WDR37: variants seen among roughly 807,000 people sequenced by gnomAD.
WDR37 encodes WD repeat domain 37.
In WDR37, 19 loss-of-function variants were observed where a neutral mutation model predicts 62.9. The ratio of observed to expected loss-of-function variants is 0.30; its 90% CI spans 0.21 to 0.44. The LOEUF is 0.44. Among genes scored for constraint, WDR37 ranks in the 20% least tolerant of loss-of-function variants. The pLI, the probability that WDR37 is intolerant of heterozygous loss-of-function variation, is 1.00. For missense variants in WDR37, 474 were observed against 657.6 expected, an observed-to-expected ratio of 0.72 and a Z score of 3.05; for synonymous variants, 250 against 260.9, an observed-to-expected ratio of 0.96 and a Z score of 0.40.
intron 11 of WDR37, among the ~76,000 whole-genome samples, chr10:1,109,606 G>C (rs1213894027): frequency 1.3e-5 from 2 of 152,232 alleles, no homozygotes; most frequent in Non-Finnish European, 2.9e-5. Flanking sequence ...AGCTACTTGG[G>C]AGGCTGAGGC....
intron 4 of WDR37, 143 bp from the exon 5 acceptor site, chr10:1,080,269 G>C: frequency 1.6e-6 from 2 of 1,261,932 alleles, no homozygotes; most frequent in Non-Finnish European, 2.2e-6. Flanking sequence ...TCTTGTTCCT[G>C]TTCTGCCATG....
In WDR37 at chr10:1,121,595, G is replaced by A. The variant is rs928869747; in HGVS notation, c.1104-2623G>A. On this transcript the variant is annotated intron_variant, in intron 11 of 13. Transcript: ENST00000263150. The surrounding 1 kb of genome is among the most constrained non-coding windows in gnomAD (Gnocchi z 4.5). Reference sequence around the variant, plus strand: ...TGGGCGTTTGCTTGTGTCCTGCCCCGTGTGATGCCGTGGTTTCCAGTTGGG... The same window carrying A: ...TGGGCGTTTGCTTGTGTCCTGCCCCATGTGATGCCGTGGTTTCCAGTTGGG... 5.3e-5 allele frequency among the ~76,000 whole-genome samples: 8 copies of A among 152,166 alleles called. No homozygotes were observed. Among genetic ancestry groups the A allele is most frequent in the African/African-American group, 1.4e-4 (6 of 41,432 alleles).
chr10:1,075,342 T>TA (rs1240903282), intron 2 of WDR37, among the ~76,000 whole-genome samples: 1 of 151,674 alleles, frequency 6.6e-6, no homozygotes, highest in African/African-American at 2.4e-5. Flanking sequence ...GCAGGTTTGT[T>TA]ACGTAGGTAT....
intron 1 of WDR37, among the ~76,000 whole-genome samples, chr10:1,066,328 G>T (rs950274412): frequency 9.2e-5 from 14 of 152,192 alleles, no homozygotes; most frequent in Non-Finnish European, 1.3e-4. Flanking sequence ...GTGTTAGCTA[G>T]GATGGTCTCG....
chr10:1,071,224 C>T (rs978195668), intron 1 of WDR37, among the ~76,000 whole-genome samples: 7 of 152,094 alleles, frequency 4.6e-5, no homozygotes, highest in Non-Finnish European at 7.4e-5. Context: ...AGGTCGTGGG[C>T]GTGTCCTGCT....
chr10:1,090,189 T>C (rs1834340814), intron 7 of WDR37, among the ~76,000 whole-genome samples: 1 of 152,024 alleles, frequency 6.6e-6, no homozygotes, highest in South Asian at 2.1e-4. Flanking sequence ...AGATGGAGTT[T>C]TGCTGTGTCA....
chr10:1,099,341 C>T (rs72760947), intron 9 of WDR37, among the ~76,000 whole-genome samples: 274 of 152,334 alleles, frequency 1.8e-3, no homozygotes, highest in Non-Finnish European at 2.8e-3. Context: ...GTGTAAATGA[C>T]GTCCACGTCT....
At chr10:1,090,306 A>T (rs991532041) in intron 7 of WDR37, among the ~76,000 whole-genome samples, 3 of 152,096 alleles carry the variant, frequency 2.0e-5, no homozygotes, top group Admixed American at 2.0e-4. Flanking sequence ...GTACAGGCAC[A>T]TGCCACCACG....
chr10:1,090,228 G>T (rs943159532), intron 7 of WDR37, among the ~76,000 whole-genome samples: 1 of 151,646 alleles, frequency 6.6e-6, no homozygotes, highest in African/African-American at 2.4e-5. Flanking sequence ...GTAGGATCTC[G>T]GCTCACTGCA....
chr10:1,074,768 C>CA (rs1310581395), intron 2 of WDR37, among the ~76,000 whole-genome samples: 6 of 152,228 alleles, frequency 3.9e-5, no homozygotes, highest in African/African-American at 1.4e-4. Context: ...GAAGAGAGGG[C>CA]AGATGAGTCT....
chr10:1,119,574 T>C (rs1178820106), intron 11 of WDR37, among the ~76,000 whole-genome samples: 1 of 152,232 alleles, frequency 6.6e-6, no homozygotes, highest in Admixed American at 6.5e-5. Flanking sequence ...AACACAGATG[T>C]TGCAGAGGCT....
intron 11 of WDR37, among the ~76,000 whole-genome samples, chr10:1,110,574 C>T (rs1000322940): frequency 6.6e-6 from 1 of 152,200 alleles, no homozygotes; most frequent in Admixed American, 6.5e-5. Flanking sequence ...GATGTGCGTC[C>T]GCGCCCCAGC....
chr10:1,111,464 G>A (rs533803889), intron 11 of WDR37, among the ~76,000 whole-genome samples: 1 of 152,222 alleles, frequency 6.6e-6, no homozygotes, highest in South Asian at 2.1e-4. Flanking sequence ...TGGAGTTTGA[G>A]TTCCAATGCT....
In WDR37 at chr10:1,093,516, T is replaced by C. The variant is rs1834468879; in HGVS notation, c.649+20T>C. 1 of 1,593,676 alleles carries C rather than the reference T, an allele frequency of 6.3e-7. No individual in the cohort carries two copies. Among genetic ancestry groups the C allele is most frequent in the East Asian group, 2.2e-5 (1 of 44,730 alleles). Reference sequence around the variant, plus strand: ...TCACTGGTATGTTGATTTTTTTCTTTATTGAACAAAATGATAGATGGTCTT... The same window carrying C: ...TCACTGGTATGTTGATTTTTTTCTTCATTGAACAAAATGATAGATGGTCTT... On this transcript the variant is annotated intron_variant, in intron 8 of 13. Coordinates refer to ENST00000263150, the MANE Select transcript of WDR37 (RefSeq NM_014023.4).
intron 11 of WDR37, among the ~76,000 whole-genome samples, chr10:1,109,085 T>C (rs1197805715): frequency 6.6e-6 from 1 of 152,110 alleles, no homozygotes; most frequent in African/African-American, 2.4e-5. Flanking sequence ...TGCCAGGCAC[T>C]GTTGGAGCCC....
At chr10:1,110,760 G>A (rs1264016680) in intron 11 of WDR37, among the ~76,000 whole-genome samples, 1 of 152,220 alleles carries the variant, frequency 6.6e-6, no homozygotes, top group Non-Finnish European at 1.5e-5. Context: ...TCTGCGCCGG[G>A]GGCTTCTCTG....
chr10:1,112,575 C>T (rs1480915237), intron 11 of WDR37, among the ~76,000 whole-genome samples: 1 of 152,242 alleles, frequency 6.6e-6, no homozygotes, highest in Non-Finnish European at 1.5e-5. Flanking sequence ...GAAAGCTGGG[C>T]ATCCTGCACT....
Position 1,093,460 on chromosome 10 carries a change from A to G in WDR37, c.613A>G (p.Ile205Val), listed in dbSNP as rs755266810. ...ATATTTTTATTTTGCAGTAAATTCTATCAAATTTCATCCCTCAGAGCAGTT... is the reference window on the plus strand; with the variant it reads ...ATATTTTTATTTTGCAGTAAATTCTGTCAAATTTCATCCCTCAGAGCAGTT... The part of the protein sequence containing the change: ...YAGHVGSVNS[I>V]KFHPSEQLAL... Residue 205 changes from isoleucine to valine, a missense_variant, in exon 8 of 14, where the codon ATC becomes GTC. Coordinates refer to ENST00000263150, the MANE Select transcript of WDR37 (RefSeq NM_014023.4). The G allele has an allele frequency of 3.9e-5, 62 of 1,607,822 alleles. No individual in the cohort carries two copies. In the East Asian group the frequency reaches 4.9e-4, roughly 13 times the overall value.
At chr10:1,062,648 T>G (rs1833410536) in intron 1 of WDR37, among the ~76,000 whole-genome samples, 1 of 152,222 alleles carries the variant, frequency 6.6e-6, no homozygotes, top group African/African-American at 2.4e-5. Flanking sequence ...AAGCAAGACT[T>G]ACTTCTCCTT....
Sources: allele counts gnomAD v4.1 joint callset (sites outside exome capture counted in the v4.1 genomes callset), GRCh38; gene constraint gnomAD v4.1.1; non-coding constraint Gnocchi (gnomAD v3.1); transcripts MANE v1.5; gene names NCBI Gene and HGNC (gene_info 2026-07-23, HGNC 2026-07-21).